The following SSC5D variants were observed in gnomAD, a reference collection of about 807,000 sequenced individuals.
The protein encoded by SSC5D is soluble scavenger receptor cysteine-rich domain-containing protein SSC5D.
In SSC5D, 106 loss-of-function variants were observed where a neutral mutation model predicts 104.6. The ratio of observed to expected loss-of-function variants is 1.01; its 90% CI spans 0.87 to 1.19. SSC5D has a LOEUF of 1.19. SSC5D is among the 50% of genes most tolerant of loss of function. SSC5D has a pLI of 0.00. For missense variants in SSC5D, 1,993 were observed against 2,153.8 expected, an observed-to-expected ratio of 0.93 and a Z score of 1.48; for synonymous variants, 860 against 883.5, an observed-to-expected ratio of 0.97 and a Z score of 0.47.
chr19:55,503,070 C>T lies in SSC5D; in HGVS notation c.2785+1869C>T, dbSNP rs1023583139. ...CCTCGTGATCCGCCTGCCTCGGCCT[C>T]CCAAAGTGCTGGGATTACAGGGGTG... On this transcript the variant is annotated intron_variant, in intron 12 of 13. Transcript: ENST00000389623. The surrounding 1 kb of genome is among the most constrained non-coding windows in gnomAD (Gnocchi z 4.0). 6.6e-6 allele frequency among the ~76,000 whole-genome samples: 1 copy of T among 152,102 alleles called. No individual in the cohort carries two copies. The highest frequency in any genetic ancestry group is 2.4e-5 in the African/African-American group (1 of 41,430).
chr19:55,507,602 G>T (rs35626517), intron 12 of SSC5D, among the ~76,000 whole-genome samples: 3 of 146,330 alleles, frequency 2.1e-5, no homozygotes, highest in South Asian at 4.3e-4. Context: ...GGAGGCGGAG[G>T]TTGCAGTGAG....
intron 12 of SSC5D, 28 bp downstream of exon 12, chr19:55,501,229 GA>G: frequency 6.7e-7 from 1 of 1,481,986 alleles, no homozygotes; most frequent in Non-Finnish European, 8.9e-7. Flanking sequence ...GGTGGCCATG[GA>G]GGGCCTCCAT....
In SSC5D at chr19:55,490,983, G is replaced by A. The variant is rs1987127841; in HGVS notation, c.798G>A (p.Gly266=). The change falls in exon 6 of 14, where the codon GGG becomes GGA. Residue 266 remains glycine (G), a synonymous_variant. Coordinates refer to ENST00000389623, the MANE Select transcript of SSC5D (RefSeq NM_001144950.2). ...GAGPVWMDDV[G]CGGGEQALRD... is the part of the protein sequence containing the mutation. ...GGCCCGTGTGGATGGACGATGTGGG[G>A]TGTGGAGGAGGAGAACAGGCCCTCC... 6.5e-7 allele frequency: 1 copy of A among 1,548,856 alleles called. No homozygotes were observed. Among genetic ancestry groups the A allele is most frequent in the Non-Finnish European group, 8.7e-7 (1 of 1,146,178 alleles).
In SSC5D at chr19:55,489,034, T is replaced by C. The variant is rs1248677722; in HGVS notation, c.52+2T>C. 4.1e-6 allele frequency: 6 copies of C among 1,475,478 alleles called. No individual in the cohort carries two copies. The highest frequency in any genetic ancestry group is 5.4e-6 in the Non-Finnish European group (6 of 1,113,818). The allele number at this position is 1,475,478 out of a possible 1,614,324, so 91.4% of individuals were successfully genotyped here. ...CCCTGGTGGGGATCCAGGCTGTTGGTAAGTGCCCAGACTCCTCCCATCTGC... is the reference window on the plus strand; with the variant it reads ...CCCTGGTGGGGATCCAGGCTGTTGGCAAGTGCCCAGACTCCTCCCATCTGC... On this transcript the variant is annotated splice_donor_variant, in intron 2 of 13. Transcript: ENST00000389623. LOFTEE classifies it high-confidence loss of function.
chr19:55,518,647 C>T lies in SSC5D; in HGVS notation c.4371C>T (p.Leu1457=), dbSNP rs1381400435. ...TGGATCATCCTCCCCTTGACCCCCT[C>T]ACCCTAGGGCCAACTCCTGGTCAGA... ...HPLDHPPLDP[L]TLGPTPGQSP... Residue 1457 remains leucine, a synonymous_variant, in exon 14 of 14, where the codon CTC becomes CTT. Coordinates refer to ENST00000389623, the MANE Select transcript of SSC5D (RefSeq NM_001144950.2). The T allele has an allele frequency of 2.0e-6, 3 of 1,535,056 alleles. No individual in the cohort carries two copies. Among genetic ancestry groups the T allele is most frequent in the Admixed American group, 2.0e-5 (1 of 49,124 alleles).
At chr19:55,501,296 G>T in intron 12 of SSC5D, 95 bp downstream of exon 12, 1 of 1,403,616 alleles carries the variant, frequency 7.1e-7, no homozygotes, top group Non-Finnish European at 9.4e-7. Context: ...CAATGAGCTG[G>T]CTGAGGCCTC....
rs1599911060 is a variant in SSC5D, at chr19:55,490,355, A to G, written c.533A>G (p.Lys178Arg). The change falls in exon 5 of 14, where the codon AAG becomes AGG. Residue 178 changes from lysine (K) to arginine (R), a missense_variant. Physicochemically the swap from Lys to Arg is conservative, Grantham distance 26. This residue lies in a region of SSC5D where 1,101 missense variants were observed against 1,085.0 expected (regional missense o/e 1.01). Transcript: ENST00000389623. ...TCCCGGAAGAAGAGCCCCCGGCCCA[A>G]GCAGGCCAAGTCCACCCGGGCCCCT... ...NASRKKSPRP[K>R]QAKSTRAPLL... 3.3e-6 allele frequency: 5 copies of G among 1,522,658 alleles called. No individual in the cohort carries two copies. Among genetic ancestry groups the G allele is most frequent in the Middle Eastern group, 3.5e-4 (2 of 5,786 alleles). 94.3% of individuals were successfully genotyped at this position (1,522,658 alleles called of 1,614,324 possible). A position where few individuals can be genotyped will look rare whatever the true frequency, so the allele number is the denominator to read the frequency against.
intron 12 of SSC5D, among the ~76,000 whole-genome samples, chr19:55,507,559 G>A (rs1344518355): frequency 2.6e-5 from 4 of 150,968 alleles, no homozygotes; most frequent in Non-Finnish European, 3.0e-5. Context: ...CCAGCTACTC[G>A]GGAGGCTGAG....
At chr19:55,504,550 G>A (rs867479040) in intron 12 of SSC5D, among the ~76,000 whole-genome samples, 8 of 152,076 alleles carry the variant, frequency 5.3e-5, no homozygotes, top group African/African-American at 1.4e-4. Context: ...ACCCACGCTG[G>A]AGTGCAGTGG....
chr19:55,495,233 ATTTTT>A lies in SSC5D; in HGVS notation c.1387+473_1387+477del, dbSNP rs74181759. Among the ~76,000 whole-genome samples the A allele has an allele frequency of 2.2e-3, 110 of 50,650 alleles. 2 individuals carry two copies. The highest frequency in any genetic ancestry group is 8.9e-3 in the African/African-American group (91 of 10,216). 33.2% of individuals were successfully genotyped at this position (50,650 alleles called of 152,430 possible). A position where few individuals can be genotyped will look rare whatever the true frequency, so the allele number is the denominator to read the frequency against. On this transcript the variant is annotated intron_variant, in intron 8 of 13. Transcript: ENST00000389623. ...CCTCCTTTCATATATATATATATATATTTTTTTTTTTTTTTTTTTTTTTTTTTGAG... is the reference window on the plus strand; with the variant it reads ...CCTCCTTTCATATATATATATATATATTTTTTTTTTTTTTTTTTTTTTGAG...
At chr19:55,512,185 G>A (rs1469846940) in intron 12 of SSC5D, among the ~76,000 whole-genome samples, 1 of 107,664 alleles carries the variant, frequency 9.3e-6, no homozygotes, top group Non-Finnish European at 1.9e-5. Flanking sequence ...GGGTGGCAGA[G>A]TGAGACTTGG....
chr19:55,489,640 GGAC>G lies in SSC5D; in HGVS notation c.341_343del (p.Asp114del). On this transcript the variant is annotated inframe_deletion, in exon 3 of 14. Transcript: ENST00000389623. The stretch of plus-strand genomic sequence containing the variant: ...AGGCCCACATCTGCTCCCACGAGGA[GGAC>G]GCGGGCGTCGTCTGCGCAGGTGAGG... The G allele has an allele frequency of 6.5e-7, 1 of 1,533,300 alleles. No individual in the cohort carries two copies. The highest frequency in any genetic ancestry group is 1.2e-5 in the South Asian group (1 of 83,736). 95.0% of individuals were successfully genotyped at this position (1,533,300 alleles called of 1,614,324 possible).
chr19:55,494,660 T>C lies in SSC5D; in HGVS notation c.1264T>C (p.Ser422Pro), dbSNP rs1170558904. 11 of 1,546,040 alleles carry C rather than the reference T, an allele frequency of 7.1e-6. No individual in the cohort carries two copies. In the East Asian group the frequency reaches 2.5e-4, roughly 35 times the overall value. ...PPTAPTDSNNSTPREAASRPP... is the reference protein window; with the variant it reads ...PPTAPTDSNNPTPREAASRPP... ...CACGGCCCCCACGGACAGCAACAAC[T>C]CCACGCCCAGGGAGGCTGCCTCCAG... The change falls in exon 8 of 14, where the codon TCC becomes CCC. Residue 422 changes from serine to proline, a missense_variant. Ser to Pro is a moderately conservative substitution (Grantham distance 74). This residue lies in a region of SSC5D where 1,101 missense variants were observed against 1,085.0 expected (regional missense o/e 1.01). Coordinates refer to ENST00000389623, the MANE Select transcript of SSC5D (RefSeq NM_001144950.2).
At chr19:55,490,174 C>A (rs1203711251) in intron 4 of SSC5D, 124 bp from the exon 5 acceptor site, 3 of 614,438 alleles carry the variant, frequency 4.9e-6, no homozygotes, top group Non-Finnish European at 5.9e-6. Context: ...TGCCCCGCCC[C>A]GTCTCCTTCA....
At chr19:55,494,120 C>T (rs1987243321) in intron 7 of SSC5D, among the ~76,000 whole-genome samples, 1 of 152,058 alleles carries the variant, frequency 6.6e-6, no homozygotes, top group Non-Finnish European at 1.5e-5. Flanking sequence ...GGACATTGGA[C>T]AGTGTTTGGA....
At chr19:55,493,994 G>GGGGGGGGGGGGGGCT in intron 7 of SSC5D, 82 bp downstream of exon 7, 2 of 143,312 alleles carry the variant, frequency 1.4e-5, no homozygotes, top group Non-Finnish European at 1.4e-5. Context: ...GGGCGGGGGG[G>GGGGGGGGGGGGGGCT]TCCCTACGCG....
At chr19:55,501,582 G>C (rs1014653934) in intron 12 of SSC5D, among the ~76,000 whole-genome samples, 1 of 152,170 alleles carries the variant, frequency 6.6e-6, no homozygotes, top group Non-Finnish European at 1.5e-5. Context: ...TGAAGCTCAC[G>C]CTCTGGTCCG....
Position 55,518,815 on chromosome 19 carries a change from G to C in SSC5D, c.4539G>C (p.Gln1513His). The C allele has an allele frequency of 6.4e-7, 1 of 1,550,414 alleles. No individual in the cohort carries two copies. The highest frequency in any genetic ancestry group is 1.4e-5 in the African/African-American group (1 of 73,164). ...QLQRLTQVVE[Q>H]ERQERQALLL... ...AGAGACTGACCCAGGTCGTGGAACA[G>C]GAGCGGCAGGAGCGCCAAGCCCTGC... The change falls in exon 14 of 14, where the codon CAG (glutamine) becomes CAC (histidine). Residue 1513 changes from glutamine (Q) to histidine (H), a missense_variant. By Grantham distance (24) the Gln-to-His change is conservative. Around this residue, in one of 6 missense-constraint regions of SSC5D, gnomAD observed 349 missense variants for 397.6 expected, o/e 0.88. Coordinates refer to ENST00000389623, the MANE Select transcript of SSC5D (RefSeq NM_001144950.2).
chr19:55,490,503 C>G, intron 5 of SSC5D, 95 bp downstream of exon 5: 1 of 620,182 alleles, frequency 1.6e-6, no homozygotes, highest in South Asian at 2.0e-5. Flanking sequence ...CTCTCCTTAG[C>G]CGGGGCCCTG....
Sources: allele counts gnomAD v4.1 joint callset (sites outside exome capture counted in the v4.1 genomes callset), GRCh38; gene constraint gnomAD v4.1.1; regional missense constraint gnomAD v4.1.1; non-coding constraint Gnocchi (gnomAD v3.1); transcripts MANE v1.5; gene names NCBI Gene and HGNC (gene_info 2026-07-23, HGNC 2026-07-21).